The following CATSPERE variants were observed in gnomAD, a reference collection of about 807,000 sequenced individuals.
CATSPERE encodes the protein cation channel sperm-associated auxiliary subunit epsilon.
Under a neutral mutation model 114.1 loss-of-function variants are expected in CATSPERE, and 93 were observed. That is an observed-to-expected ratio of 0.81 (90% CI 0.69 to 0.97). CATSPERE has a LOEUF of 0.97. Among genes scored for constraint, CATSPERE ranks in the 50% least tolerant of loss-of-function variants. CATSPERE has a pLI of 0.00. For missense variants in CATSPERE, 1,058 were observed against 1,131.6 expected, an observed-to-expected ratio of 0.93 and a Z score of 0.93; for synonymous variants, 341 against 384.1, an observed-to-expected ratio of 0.89 and a Z score of 1.31.
chr1:244,640,183 A>G lies in CATSPERE; in HGVS notation c.*102A>G. On this transcript the variant is annotated 3_prime_UTR_variant, in exon 22 of 22. Coordinates refer to ENST00000366534, the MANE Select transcript of CATSPERE (RefSeq NM_001130957.2). ...TGTTTGACCAAGAAATACTAAATAT[A>G]AGCTCGTAGTAGGCATCACCAAATT... The G allele has an allele frequency of 1.2e-6, 1 of 821,792 alleles. No homozygotes were observed. The highest frequency in any genetic ancestry group is 1.8e-6 in the Non-Finnish European group (1 of 569,054). 50.9% of individuals were successfully genotyped at this position (821,792 alleles called of 1,614,324 possible). A position where few individuals can be genotyped will look rare whatever the true frequency, so the allele number is the denominator to read the frequency against.
chr1:244,499,139 G>A (rs1400174479), intron 7 of CATSPERE, 60 bp downstream of exon 7: 4 of 1,301,286 alleles, frequency 3.1e-6, no homozygotes, highest in South Asian at 2.5e-5. Flanking sequence ...CTTTTGTAGG[G>A]ACTGTGAAAA....
At chr1:244,491,007 G>A (rs1380627369) in intron 6 of CATSPERE, among the ~76,000 whole-genome samples, 1 of 151,882 alleles carries the variant, frequency 6.6e-6, no homozygotes, top group East Asian at 1.9e-4. Flanking sequence ...GTATGAAGGG[G>A]GTCCTACTGT....
At chr1:244,502,212 T>C (rs1232462995) in intron 7 of CATSPERE, among the ~76,000 whole-genome samples, 1 of 152,188 alleles carries the variant, frequency 6.6e-6, no homozygotes, top group African/African-American at 2.4e-5. Context: ...TACAATGTGT[T>C]TTTCTGATAT....
chr1:244,550,929 G>A (rs1012274255), intron 8 of CATSPERE, among the ~76,000 whole-genome samples: 1 of 152,192 alleles, frequency 6.6e-6, no homozygotes, highest in African/African-American at 2.4e-5. Context: ...ATGTCAGAGT[G>A]TTTGCTTTTA....
intron 11 of CATSPERE, 97 bp downstream of exon 11, chr1:244,572,869 G>T: frequency 1.3e-6 from 1 of 796,364 alleles, no homozygotes; most frequent in Non-Finnish European, 1.8e-6. Context: ...AGGCTCAGCT[G>T]GGAAAATGTT....
chr1:244,538,023 T>C (rs3003249), intron 8 of CATSPERE, among the ~76,000 whole-genome samples: 132,260 of 152,096 alleles, frequency 0.87, 58,482 homozygotes, highest in East Asian at 1. Flanking sequence ...GCAAAACTAG[T>C]TGTAAAAATG....
intron 21 of CATSPERE, among the ~76,000 whole-genome samples, chr1:244,638,770 C>T (rs1371618799): frequency 6.6e-6 from 1 of 152,156 alleles, no homozygotes; most frequent in Non-Finnish European, 1.5e-5. Context: ...CTTCATATTT[C>T]TCAAACCCCA....
chr1:244,538,711 TG>T (rs534857630), intron 8 of CATSPERE, among the ~76,000 whole-genome samples: 71 of 152,250 alleles, frequency 4.7e-4, no homozygotes, highest in African/African-American at 1.7e-3. Flanking sequence ...GTTTCCCCCA[TG>T]GGGAAAGATA....
At chr1:244,452,247 CGT>C (rs1341564974), upstream of CATSPERE, 6 of 156,502 alleles carry the variant, frequency 3.8e-5, no homozygotes, top group East Asian at 1.1e-3. Flanking sequence ...CGCGGAAGCG[CGT>C]GTGGAGCGTC....
chr1:244,495,136 G>A (rs114426340), intron 6 of CATSPERE, among the ~76,000 whole-genome samples: 3 of 152,150 alleles, frequency 2.0e-5, no homozygotes, highest in South Asian at 2.1e-4. Flanking sequence ...ATATAGGTGC[G>A]GTGTGCATAT....
At chr1:244,487,218 A>G (rs1671235967) in intron 5 of CATSPERE, among the ~76,000 whole-genome samples, 1 of 151,810 alleles carries the variant, frequency 6.6e-6, no homozygotes, top group Non-Finnish European at 1.5e-5. Flanking sequence ...GGCCAGGTGC[A>G]GACCCTCGTA....
At chr1:244,631,032 C>A (rs541441984) in intron 20 of CATSPERE, among the ~76,000 whole-genome samples, 1 of 152,234 alleles carries the variant, frequency 6.6e-6, no homozygotes, top group African/African-American at 2.4e-5. Context: ...TTCTGTGTAA[C>A]CCTTCCTCTC....
chr1:244,495,982 T>C (rs1430410009), intron 6 of CATSPERE, among the ~76,000 whole-genome samples: 2 of 152,214 alleles, frequency 1.3e-5, no homozygotes, highest in Non-Finnish European at 2.9e-5. Flanking sequence ...CGGAAGTGAT[T>C]GCAAAACCTA....
At chr1:244,527,935 A>G (rs72767896) in intron 8 of CATSPERE, among the ~76,000 whole-genome samples, 19,556 of 151,992 alleles carry the variant, frequency 0.13, 2,191 homozygotes, top group African/African-American at 0.3. Flanking sequence ...ACAGGGTCTC[A>G]CCCTGTTGCC....
intron 17 of CATSPERE, among the ~76,000 whole-genome samples, chr1:244,603,299 T>C (rs973367519): frequency 1.3e-5 from 2 of 152,144 alleles, no homozygotes; most frequent in African/African-American, 4.8e-5. Context: ...TACAATGGGA[T>C]AGCCACAAGG....
intron 8 of CATSPERE, among the ~76,000 whole-genome samples, chr1:244,535,419 G>T (rs138545291): frequency 1.3e-5 from 2 of 152,286 alleles, no homozygotes; most frequent in Non-Finnish European, 2.9e-5. Context: ...AGAAACCTTA[G>T]AAATCTACCT....
chr1:244,570,228 CA>C (rs1664233809), intron 10 of CATSPERE, among the ~76,000 whole-genome samples: 2 of 152,008 alleles, frequency 1.3e-5, no homozygotes, highest in Admixed American at 1.3e-4. Flanking sequence ...AATTTATTGG[CA>C]AAAGTAGGCT....
At chr1:244,567,482 C>A (rs1408791324) in intron 10 of CATSPERE, among the ~76,000 whole-genome samples, 1 of 152,142 alleles carries the variant, frequency 6.6e-6, no homozygotes, top group Admixed American at 6.6e-5. Flanking sequence ...TTCAGGTACA[C>A]CAATCAAATA....
intron 7 of CATSPERE, among the ~76,000 whole-genome samples, chr1:244,507,914 CT>C (rs1675062317): frequency 6.6e-6 from 1 of 151,970 alleles, no homozygotes; most frequent in African/African-American, 2.4e-5. Flanking sequence ...ATGCCCCTAG[CT>C]TTGTTCTTTT....
Sources: gnomAD v4.1 joint callset for allele counts (sites outside exome capture counted in the v4.1 genomes callset) on GRCh38, gnomAD v4.1.1 for gene constraint, MANE v1.5 for transcripts, NCBI Gene and HGNC (gene_info 2026-07-23, HGNC 2026-07-21) for gene names.